Variants in DLGAP2 observed in about 807,000 individuals in gnomAD.
DLGAP2 encodes disks large-associated protein 2.
Under a neutral mutation model 100.3 loss-of-function variants are expected in DLGAP2, and 26 were observed. That is an observed-to-expected ratio of 0.26 (90% CI 0.19 to 0.36). The LOEUF is 0.36. Among genes scored for constraint, DLGAP2 ranks in the 10% least tolerant of loss-of-function variants. DLGAP2 has a pLI of 1.00. For missense variants in DLGAP2, 1,858 were observed against 1,453.2 expected (o/e 1.28, Z -4.53); for synonymous variants, 886 against 630.1 (o/e 1.41, Z -6.08).
chr8:1,407,660 G>C (rs368513790), intron 3 of DLGAP2, among the ~76,000 whole-genome samples: 1,916 of 84,478 alleles, frequency 0.023, 29 homozygotes, highest in East Asian at 0.16. Context: ...TCATCCTCCA[G>C]AGTCGTGTAT....
intron 2 of DLGAP2, among the ~76,000 whole-genome samples, chr8:1,165,265 A>C (rs981664810): frequency 5.3e-5 from 8 of 151,484 alleles, no homozygotes; most frequent in Admixed American, 3.3e-4. Flanking sequence ...GATGGAGAAG[A>C]AGGGAGACAG....
At chr8:1,046,260 C>T (rs1420293464) in intron 2 of DLGAP2, among the ~76,000 whole-genome samples, 3 of 152,136 alleles carry the variant, frequency 2.0e-5, no homozygotes, top group African/African-American at 7.2e-5. Context: ...TAATGAAATC[C>T]ATGCCATAGG....
intron 3 of DLGAP2, among the ~76,000 whole-genome samples, chr8:1,433,381 G>A (rs556450953): frequency 3.3e-4 from 50 of 152,304 alleles, no homozygotes; most frequent in African/African-American, 1.2e-3. Flanking sequence ...AGGAGGGGTT[G>A]GTCCTGCCAG....
Position 918,487 on chromosome 8 carries a change from A to C in DLGAP2, c.73+10521A>C, listed in dbSNP as rs1277457045. On this transcript the variant is annotated intron_variant, in intron 2 of 14. Coordinates refer to ENST00000637795, the MANE Select transcript of DLGAP2 (RefSeq NM_001346810.2). The stretch of plus-strand genomic sequence containing the variant: ...TACAGTGTGATTCTTAGTGAAAGAC[A>C]GTGAGACAGGCACGGCTGTGTCTGT... 5.3e-5 allele frequency among the ~76,000 whole-genome samples: 8 copies of C among 152,132 alleles called. No individual in the cohort carries two copies. The South Asian group carries it at 1.2e-3, about 24-fold the overall frequency.
At chr8:747,606 A>G (rs1239459179) in intron 1 of DLGAP2, among the ~76,000 whole-genome samples, 6 of 62,694 alleles carry the variant, frequency 9.6e-5, no homozygotes, top group Admixed American at 1.9e-4. Context: ...CGGGACGGGC[A>G]GGCTGTGTGG....
intron 2 of DLGAP2, among the ~76,000 whole-genome samples, chr8:1,123,519 C>A (rs7012421): frequency 1.3e-5 from 2 of 151,964 alleles, no homozygotes; most frequent in African/African-American, 4.8e-5. Context: ...GCTTTGGAGA[C>A]TCTAAAAGGA....
Position 1,549,096 on chromosome 8 carries a change from A to G in DLGAP2, c.643A>G (p.Thr215Ala). ...DGFHTLQYQR[T>A]SAAAEQRSES... ...CTTCCACACGCTGCAGTACCAGAGGACGTCCGCGGCCGCCGAGCAGCGCAG... is the reference window on the plus strand; with the variant it reads ...CTTCCACACGCTGCAGTACCAGAGGGCGTCCGCGGCCGCCGAGCAGCGCAG... Residue 215 changes from threonine (T) to alanine (A), a missense_variant, in exon 5 of 15, where the codon ACG becomes GCG. By Grantham distance (58) the Thr-to-Ala change is moderately conservative. Coordinates refer to ENST00000637795, the MANE Select transcript of DLGAP2 (RefSeq NM_001346810.2). 1 of 1,583,710 alleles carries G rather than the reference A, an allele frequency of 6.3e-7. No individual in the cohort carries two copies. Among genetic ancestry groups the G allele is most frequent in the Non-Finnish European group, 8.6e-7 (1 of 1,168,342 alleles).
chr8:888,599 T>C (rs1797968739), intron 1 of DLGAP2, among the ~76,000 whole-genome samples: 1 of 151,972 alleles, frequency 6.6e-6, no homozygotes, highest in South Asian at 2.1e-4. Context: ...GTTGTCACTT[T>C]CTGCTTTTTT....
At chr8:1,559,251 G>A (rs1029539180) in intron 5 of DLGAP2, among the ~76,000 whole-genome samples, 2 of 152,146 alleles carry the variant, frequency 1.3e-5, no homozygotes, top group South Asian at 2.1e-4. Context: ...TCTGGTAGCC[G>A]TCGTGGAAAG....
intron 14 of DLGAP2, among the ~76,000 whole-genome samples, chr8:1,697,643 T>C (rs904940613): frequency 6.6e-6 from 1 of 152,218 alleles, no homozygotes; most frequent in Non-Finnish European, 1.5e-5. Context: ...TGAATTATCT[T>C]TATCAAACTT....
At chr8:1,182,340 C>T (rs1797407661) in intron 2 of DLGAP2, among the ~76,000 whole-genome samples, 2 of 152,236 alleles carry the variant, frequency 1.3e-5, no homozygotes, top group South Asian at 2.1e-4. Flanking sequence ...ACACAACATC[C>T]GTGTGGGATG....
At chr8:1,039,089 C>A (rs1802217838) in intron 2 of DLGAP2, among the ~76,000 whole-genome samples, 1 of 152,190 alleles carries the variant, frequency 6.6e-6, no homozygotes, top group African/African-American at 2.4e-5. Context: ...ACAATCACCT[C>A]ATTGGAGCAA....
At chr8:1,134,492 T>C (rs1371620978) in intron 2 of DLGAP2, among the ~76,000 whole-genome samples, 1 of 56,518 alleles carries the variant, frequency 1.8e-5, no homozygotes, top group African/African-American at 7.9e-5. Flanking sequence ...CTTGTAAGCA[T>C]GTGTTATTTT....
Position 1,705,899 on chromosome 8 carries a change from T to C in DLGAP2, c.*4493T>C, listed in dbSNP as rs1310559123. The stretch of plus-strand genomic sequence containing the variant: ...AATAGAAAACCACGAGCTTAAGAGG[T>C]GAAAAAGATGACCCCTTTCTGATTA... On this transcript the variant is annotated 3_prime_UTR_variant, in exon 15 of 15. Transcript: ENST00000637795. The C allele has an allele frequency of 6.6e-6, 1 of 151,854 alleles. No individual in the cohort carries two copies. Among genetic ancestry groups the C allele is most frequent in the Non-Finnish European group, 1.5e-5 (1 of 67,966 alleles). 9.4% of individuals were successfully genotyped at this position (151,854 alleles called of 1,614,324 possible).
chr8:1,488,432 G>A (rs1056114357), intron 3 of DLGAP2, among the ~76,000 whole-genome samples: 1 of 152,166 alleles, frequency 6.6e-6, no homozygotes, highest in East Asian at 1.9e-4. Context: ...AAAGAGAATT[G>A]GGAATGGGCA....
chr8:852,007 C>G (rs977880095), intron 1 of DLGAP2, among the ~76,000 whole-genome samples: 3 of 152,210 alleles, frequency 2.0e-5, no homozygotes, highest in Admixed American at 1.3e-4. Flanking sequence ...TCCTGGGACT[C>G]AGCCCCTAAA....
intron 2 of DLGAP2, among the ~76,000 whole-genome samples, chr8:1,142,802 A>C (rs903868817): frequency 1.3e-5 from 2 of 152,126 alleles, no homozygotes; most frequent in Non-Finnish European, 2.9e-5. Context: ...AAAAGCAAGG[A>C]AAGCCAGCCC....
chr8:1,665,791 A>G (rs1027639829), intron 8 of DLGAP2, among the ~76,000 whole-genome samples: 2 of 152,252 alleles, frequency 1.3e-5, no homozygotes, highest in Non-Finnish European at 2.9e-5. Context: ...GTCATTGATG[A>G]TAAAGATTCT....
At chr8:1,350,992 G>A (rs1257133005) in intron 3 of DLGAP2, among the ~76,000 whole-genome samples, 1 of 121,514 alleles carries the variant, frequency 8.2e-6, no homozygotes, top group African/African-American at 3.6e-5. Flanking sequence ...GCGTGGAAAG[G>A]CCGTGCGGGT....
Sources: allele counts gnomAD v4.1 joint callset (sites outside exome capture counted in the v4.1 genomes callset), GRCh38; gene constraint gnomAD v4.1.1; transcripts MANE v1.5; gene names NCBI Gene and HGNC (gene_info 2026-07-23, HGNC 2026-07-21).